The following MED24 variants were observed in gnomAD, a reference collection of about 807,000 sequenced individuals.
MED24 encodes mediator complex subunit 24.
Under a neutral mutation model 118.8 loss-of-function variants are expected in MED24, and 74 were observed. The observed-to-expected ratio is 0.62, with a 90% confidence interval of 0.52 to 0.76. The LOEUF (loss-of-function observed/expected upper bound fraction) is 0.76, where lower values mean the gene tolerates loss of function less well. Among genes scored for constraint, MED24 ranks in the 30% least tolerant of loss-of-function variants. The pLI is 0.00. For synonymous variants in MED24, 521 were observed against 523.9 expected, an observed-to-expected ratio of 0.99 and a Z score of 0.08; for missense variants, 1,041 against 1,278.9, an observed-to-expected ratio of 0.81 and a Z score of 2.84.
chr17:40,047,798 C>T (rs1333851536), intron 3 of MED24, among the ~76,000 whole-genome samples: 3 of 151,938 alleles, frequency 2.0e-5, no homozygotes, highest in African/African-American at 7.2e-5. Context: ...GGCGCAATCT[C>T]GGTTCACTGC....
At position 40,053,312 on chromosome 17, in the gene MED24, C is replaced by CAT. The variant is rs750055468; in HGVS notation, c.197_198dup (p.Ala67MetfsTer43). 6.2e-7 allele frequency: 1 copy of CAT among 1,608,964 alleles called. No homozygotes were observed. The highest frequency in any genetic ancestry group is 8.5e-7 in the Non-Finnish European group (1 of 1,177,144). ...GGGAAGCTTACCTGGGAACTAATGG[C>CAT]ATACTTCAGGTAGGACAAGATGAGA... On this transcript the variant is annotated frameshift_variant, in exon 3 of 26. Transcript: ENST00000394128. LOFTEE classifies it high-confidence loss of function.
intron 3 of MED24, among the ~76,000 whole-genome samples, chr17:40,039,759 C>T (rs895741637): frequency 2.0e-5 from 3 of 150,794 alleles, no homozygotes; most frequent in South Asian, 2.1e-4. Context: ...GCTGGGACTA[C>T]AGGTGCACAC....
chr17:40,020,516 A>G (rs896993588), intron 23 of MED24, 163 bp from the exon 24 acceptor site: 3 of 1,491,012 alleles, frequency 2.0e-6, no homozygotes, highest in South Asian at 2.4e-5. Flanking sequence ...GGCCAGGTAC[A>G]GTGGCTCACA....
rs180904097 is a variant in MED24, at chr17:40,022,370, G to A, written c.2523+24C>T. On this transcript the variant is annotated intron_variant, in intron 22 of 25. Coordinates refer to ENST00000394128, the MANE Select transcript of MED24 (RefSeq NM_014815.4). ...AACAAACCGGTGAACAAGTGAAGCCGGCGAGGGCAGCTGGGGGGCCTACCT... is the reference window on the plus strand; with the variant it reads ...AACAAACCGGTGAACAAGTGAAGCCAGCGAGGGCAGCTGGGGGGCCTACCT... The A allele has an allele frequency of 2.7e-3, 4,265 of 1,589,304 alleles. 13 individuals are homozygous for A. The highest frequency in any genetic ancestry group is 3.1e-3 in the Non-Finnish European group (3,559 of 1,166,566).
intron 3 of MED24, among the ~76,000 whole-genome samples, chr17:40,044,610 G>A (rs1475718283): frequency 2.6e-5 from 4 of 151,568 alleles, no homozygotes; most frequent in Non-Finnish European, 5.9e-5. Context: ...GGCCAGGCGC[G>A]GTGGCTCACG....
chr17:40,025,325 A>T (rs1982517973), intron 19 of MED24, among the ~76,000 whole-genome samples: 1 of 152,012 alleles, frequency 6.6e-6, no homozygotes, highest in Non-Finnish European at 1.5e-5. Context: ...AGACTAGAAA[A>T]ATTAGCCGGC....
chr17:40,028,918 C>G lies in MED24; in HGVS notation c.1317G>C (p.Leu439=). ...SKSPEGLLGV[L]GHMLSGKSLD... ...GACTCTTCCCGGACAGCATGTGGCCCAGGACTCCCAGCAGTCCCTCCGGTG... is the reference window on the plus strand; with the variant it reads ...GACTCTTCCCGGACAGCATGTGGCCGAGGACTCCCAGCAGTCCCTCCGGTG... Residue 439 remains leucine (L), a synonymous_variant, in exon 14 of 26, where the codon CTG becomes CTC. Coordinates refer to ENST00000394128, the MANE Select transcript of MED24 (RefSeq NM_014815.4). 6.2e-7 allele frequency: 1 copy of G among 1,614,212 alleles called. No individual in the cohort carries two copies. The highest frequency in any genetic ancestry group is 8.5e-7 in the Non-Finnish European group (1 of 1,180,036).
intron 3 of MED24, among the ~76,000 whole-genome samples, chr17:40,042,775 A>G (rs1477848170): frequency 6.6e-6 from 1 of 152,146 alleles, no homozygotes; most frequent in African/African-American, 2.4e-5. Flanking sequence ...ATGACAAAGA[A>G]TGGCCTATTC....
At position 40,019,919 on chromosome 17, in the gene MED24, G is replaced by A. The variant is rs1215939884; in HGVS notation, c.2719C>T (p.Leu907Phe). ...CGAGACCCCAGGATGGAGGAGATGA[G>A]CAGGAACAGGTTGGCTGTAGAGAGT... ...LNRVLANLFL[L>F]ISSILGSRTA... The change falls in exon 25 of 26, where the codon CTC (leucine) becomes TTC (phenylalanine). Residue 907 changes from leucine (L) to phenylalanine (F), a missense_variant. Around this residue, in one of 3 missense-constraint regions of MED24, gnomAD observed 587 missense variants for 694.4 expected, o/e 0.85. Transcript: ENST00000394128. 6.4e-7 allele frequency: 1 copy of A among 1,566,980 alleles called. No homozygotes were observed. Among genetic ancestry groups the A allele is most frequent in the Non-Finnish European group, 8.7e-7 (1 of 1,155,084 alleles).
intron 19 of MED24, among the ~76,000 whole-genome samples, chr17:40,025,519 C>T (rs915545119): frequency 6.6e-6 from 1 of 152,042 alleles, no homozygotes; most frequent in Non-Finnish European, 1.5e-5. Context: ...ATGGTAGTTA[C>T]CAGGAGCTGG....
intron 11 of MED24, 54 bp from the exon 12 acceptor site, chr17:40,031,299 G>A: frequency 6.7e-7 from 1 of 1,490,668 alleles, no homozygotes; most frequent in Non-Finnish European, 9.2e-7. Context: ...GATGGTGAGG[G>A]GTGGGAGTGG....
chr17:40,023,050 G>T, intron 20 of MED24, 81 bp downstream of exon 20: 1 of 1,529,390 alleles, frequency 6.5e-7, no homozygotes, highest in Non-Finnish European at 8.8e-7. Context: ...AGCCTCTCAG[G>T]GAAGCCTGGC....
intron 16 of MED24, 132 bp downstream of exon 16, chr17:40,027,251 G>T: frequency 9.0e-7 from 1 of 1,107,674 alleles, no homozygotes. Flanking sequence ...TCCAGCCCGG[G>T]TGGGCACCTG....
intron 9 of MED24, chr17:40,032,307 T>C: frequency 1.7e-6 from 1 of 589,868 alleles, no homozygotes; most frequent in Non-Finnish European, 3.0e-6. Context: ...ACCCTGCACC[T>C]CCGCTAGCTC....
At chr17:40,047,086 G>A (rs950956926) in intron 3 of MED24, among the ~76,000 whole-genome samples, 2 of 151,724 alleles carry the variant, frequency 1.3e-5, no homozygotes, top group Admixed American at 6.6e-5. Flanking sequence ...CTCCAGCCTG[G>A]GTAACAGAGC....
At position 40,032,317 on chromosome 17, in the gene MED24, C is replaced by T. The variant is rs956786766; in HGVS notation, c.937-227G>A. The T allele has an allele frequency of 5.1e-6, 3 of 587,506 alleles. No individual in the cohort carries two copies. The African/African-American group carries it at 5.6e-5, about 11-fold the overall frequency. The allele number at this position is 587,506 out of a possible 1,614,324, so 36.4% of individuals were successfully genotyped here. On this transcript the variant is annotated intron_variant, in intron 9 of 25. Transcript: ENST00000394128. ...CAAGCACCCTGCACCTCCGCTAGCTCAACAGAAAAAGATGCCATAAGCAAA... is the reference window on the plus strand; with the variant it reads ...CAAGCACCCTGCACCTCCGCTAGCTTAACAGAAAAAGATGCCATAAGCAAA...
chr17:40,052,592 T>A (rs1281685608), intron 3 of MED24, among the ~76,000 whole-genome samples: 1 of 152,124 alleles, frequency 6.6e-6, no homozygotes, highest in African/African-American at 2.4e-5. Flanking sequence ...TAATCCTCTT[T>A]TTTTCTTTTG....
intron 3 of MED24, among the ~76,000 whole-genome samples, chr17:40,052,931 GTGTT>G (rs973218568): frequency 2.0e-4 from 31 of 151,930 alleles, no homozygotes; most frequent in Non-Finnish European, 3.4e-4. Context: ...ACCCCAAATT[GTGTT>G]TGTTTGTTTC....
chr17:40,029,487 C>T (rs1983117352), intron 13 of MED24, among the ~76,000 whole-genome samples: 1 of 152,150 alleles, frequency 6.6e-6, no homozygotes, highest in Admixed American at 6.5e-5. Context: ...CGTGAGCCAC[C>T]GCACCCACGT....
Sources: gnomAD v4.1 joint callset for allele counts (sites outside exome capture counted in the v4.1 genomes callset) on GRCh38, gnomAD v4.1.1 for gene constraint, gnomAD v4.1.1 regional missense constraint, MANE v1.5 for transcripts, NCBI Gene and HGNC (gene_info 2026-07-23, HGNC 2026-07-21) for gene names.